The following RHBDD1 variants were observed in gnomAD, a reference collection of about 807,000 sequenced individuals.
RHBDD1 encodes rhomboid-related protein 4.
RHBDD1 carries 38 observed loss-of-function variants against 36.3 expected under a neutral mutation model. That is an observed-to-expected ratio of 1.05 (90% CI 0.81 to 1.37). RHBDD1 has a LOEUF of 1.37. Ranked by LOEUF, RHBDD1 falls within the 40% of genes most tolerant of loss-of-function variation. The pLI is 0.00. For synonymous variants in RHBDD1, 151 were observed against 136.5 expected (o/e 1.11, Z -0.74); for missense variants, 393 against 377.6 (o/e 1.04, Z -0.34).
chr2:226,920,231 T>C (rs895139273), intron 8 of RHBDD1, among the ~76,000 whole-genome samples: 1 of 152,124 alleles, frequency 6.6e-6, no homozygotes, highest in Admixed American at 6.5e-5. Flanking sequence ...TGCTGACTTT[T>C]GTATGTTGAT....
rs16822782 is a variant in RHBDD1 at position 226,867,550 on chromosome 2, C to T, written c.566+232C>T. On this transcript the variant is annotated intron_variant, in intron 5 of 8. Coordinates refer to ENST00000392062, the MANE Select transcript of RHBDD1 (RefSeq NM_001167608.3). ...TGTCTTAACTGAGTTGCAGATTCCTCATTTTTTTTAAGTAGGAGAACCTGC... is the reference window on the plus strand; with the variant it reads ...TGTCTTAACTGAGTTGCAGATTCCTTATTTTTTTTAAGTAGGAGAACCTGC... 0.012 allele frequency: 11,994 copies of T among 982,642 alleles called. 887 individuals carry two copies. In the African/African-American group the frequency reaches 0.17, roughly 14 times the overall value. 60.9% of individuals were successfully genotyped at this position (982,642 alleles called of 1,614,324 possible). A position where few individuals can be genotyped will look rare whatever the true frequency, so the allele number is the denominator to read the frequency against.
intron 8 of RHBDD1, chr2:226,935,354 T>C (rs1950270516): frequency 6.6e-6 from 1 of 152,176 alleles, no homozygotes; most frequent in Non-Finnish European, 1.5e-5. Flanking sequence ...TGAGATACGC[T>C]TTAAGTTAAA....
Position 226,852,667 on chromosome 2 carries a change from T to G in RHBDD1, c.-90-11937T>G, listed in dbSNP as rs528739427. 5.9e-5 allele frequency among the ~76,000 whole-genome samples: 9 copies of G among 152,270 alleles called. No individual in the cohort carries two copies. In the South Asian group the frequency reaches 1.9e-3, roughly 32 times the overall value. On this transcript the variant is annotated intron_variant, in intron 3 of 8. Transcript: ENST00000392062. ...AATCATCCTGTCTATGGTACTTAGT[T>G]ATAGCAGCCTGAACTAAGACAATTG...
Position 226,997,320 on chromosome 2 carries a change from AC to A in RHBDD1, c.*1802del. The stretch of plus-strand genomic sequence containing the variant: ...AAATTCTGTAAGTTTGACTCCCGTT[AC>A]CCCAATTAGAAGTAACTTCTTTGTT... On this transcript the variant is annotated 3_prime_UTR_variant, in exon 9 of 9. Transcript: ENST00000392062. The A allele has an allele frequency of 6.6e-6, 1 of 152,358 alleles. No homozygotes were observed. The highest frequency in any genetic ancestry group is 2.4e-5 in the African/African-American group (1 of 41,584). The allele number at this position is 152,358 out of a possible 1,614,324, so 9.4% of individuals were successfully genotyped here.
chr2:226,843,944 A>G (rs1305378417), intron 3 of RHBDD1, among the ~76,000 whole-genome samples: 2 of 152,020 alleles, frequency 1.3e-5, no homozygotes, highest in African/African-American at 4.8e-5. Flanking sequence ...TACTGTCTCA[A>G]TTTCAGAACT....
At chr2:226,934,672 T>C (rs1322975748) in intron 8 of RHBDD1, among the ~76,000 whole-genome samples, 1 of 152,114 alleles carries the variant, frequency 6.6e-6, no homozygotes, top group Non-Finnish European at 1.5e-5. Context: ...TGTCTTGTTC[T>C]GTTGGCAGTC....
intron 5 of RHBDD1, among the ~76,000 whole-genome samples, chr2:226,874,225 G>A (rs1056212366): frequency 6.6e-6 from 1 of 152,144 alleles, no homozygotes; most frequent in Non-Finnish European, 1.5e-5. Flanking sequence ...AATCATATCA[G>A]GAAGATTATC....
At chr2:226,827,609 G>A in the RHBDD1 span, among the ~76,000 whole-genome samples, 5 of 152,166 alleles carry the variant, frequency 3.3e-5, no homozygotes, top group African/African-American at 9.7e-5. Flanking sequence ...TACACATTAA[G>A]TATTGAAATG....
chr2:226,915,616 T>C (rs1485012322), intron 8 of RHBDD1, among the ~76,000 whole-genome samples: 7 of 152,162 alleles, frequency 4.6e-5, no homozygotes, highest in Admixed American at 4.6e-4. Context: ...ATTATGACAA[T>C]ATAATTTCTG....
intron 8 of RHBDD1, among the ~76,000 whole-genome samples, chr2:226,959,502 C>T (rs762836594): frequency 4.8e-4 from 73 of 152,234 alleles, no homozygotes; most frequent in South Asian, 8.3e-4. Flanking sequence ...TAAACAGAAA[C>T]GTACCACATA....
intron 8 of RHBDD1, among the ~76,000 whole-genome samples, chr2:226,949,937 AT>A (rs1175165390): frequency 6.6e-6 from 1 of 152,166 alleles, no homozygotes; most frequent in Non-Finnish European, 1.5e-5. Flanking sequence ...AAAATTAATT[AT>A]TTAGTTGATC....
rs569698561 is a variant in RHBDD1 at position 226,860,772 on chromosome 2, G to C, written c.-90-3832G>C. Among the ~76,000 whole-genome samples the C allele has an allele frequency of 4.6e-5, 7 of 152,258 alleles. No individual in the cohort carries two copies. In the South Asian group the frequency reaches 1.5e-3, roughly 32 times the overall value. ...GACTCTAATGGCCTTTGTTTACAAA[G>C]GTGGAGCCCAAAAGACGGGCACTTC... On this transcript the variant is annotated intron_variant, in intron 3 of 8. Transcript: ENST00000392062.
chr2:226,961,461 A>G (rs571988157), intron 8 of RHBDD1, among the ~76,000 whole-genome samples: 4 of 152,332 alleles, frequency 2.6e-5, no homozygotes, highest in East Asian at 1.9e-4. Context: ...CTCCAAAAAG[A>G]TAATAATGGT....
chr2:226,941,274 C>T lies in RHBDD1; in HGVS notation c.856+26923C>T, dbSNP rs148521388. Reference sequence around the variant, plus strand: ...AGCCACCCCGACCGGCCTGGACTCACATTTTCTAGGGCTCCCATGAGTCTC... The same window carrying T: ...AGCCACCCCGACCGGCCTGGACTCATATTTTCTAGGGCTCCCATGAGTCTC... On this transcript the variant is annotated intron_variant, in intron 8 of 8. Coordinates refer to ENST00000392062, the MANE Select transcript of RHBDD1 (RefSeq NM_001167608.3). Among the ~76,000 whole-genome samples, 379 of 152,242 alleles carry T rather than the reference C, an allele frequency of 2.5e-3. 2 individuals are homozygous for T. The highest frequency in any genetic ancestry group is 8.7e-3 in the African/African-American group (362 of 41,552).
chr2:226,946,700 A>G (rs1951013229), intron 8 of RHBDD1, among the ~76,000 whole-genome samples: 2 of 152,232 alleles, frequency 1.3e-5, no homozygotes, highest in Non-Finnish European at 2.9e-5. Flanking sequence ...ATCAGAAACT[A>G]CTATAAATAC....
chr2:226,995,356 T>A, intron 8 of RHBDD1, 75 bp from the exon 9 acceptor site: 1 of 868,536 alleles, frequency 1.2e-6, no homozygotes, highest in Non-Finnish European at 1.9e-6. Context: ...ATCACTTTGT[T>A]CCCTTGGAAT....
At chr2:226,912,601 C>CA (rs1948598815) in intron 7 of RHBDD1, among the ~76,000 whole-genome samples, 1 of 152,088 alleles carries the variant, frequency 6.6e-6, no homozygotes, top group East Asian at 1.9e-4. Context: ...AAGCTAGACA[C>CA]AAAATGCCAC....
chr2:226,843,549 T>C (rs1489633569), intron 3 of RHBDD1, among the ~76,000 whole-genome samples: 2 of 152,222 alleles, frequency 1.3e-5, no homozygotes, highest in African/African-American at 4.8e-5. Context: ...TGTCTTTAGT[T>C]CTGCTTATGT....
chr2:226,948,425 G>T (rs1264825187), intron 8 of RHBDD1, among the ~76,000 whole-genome samples: 1 of 144,174 alleles, frequency 6.9e-6, no homozygotes, highest in Non-Finnish European at 1.5e-5. Context: ...GGTGGGGTAG[G>T]GGGAGGGGGG....
Sources: gnomAD v4.1 joint callset for allele counts (sites outside exome capture counted in the v4.1 genomes callset) on GRCh38, gnomAD v4.1.1 for gene constraint, MANE v1.5 for transcripts, NCBI Gene and HGNC (gene_info 2026-07-23, HGNC 2026-07-21) for gene names.